Variants in TRAPPC6B observed in about 807,000 individuals in gnomAD.
The protein encoded by TRAPPC6B is trafficking protein particle complex subunit 6B.
A neutral mutation model predicts 24.7 loss-of-function variants in TRAPPC6B; 27 were observed. The ratio of observed to expected loss-of-function variants is 1.09; its 90% CI spans 0.81 to 1.51. The LOEUF (loss-of-function observed/expected upper bound fraction) is 1.51, where lower values mean the gene tolerates loss of function less well. Ranked by LOEUF, TRAPPC6B falls within the 40% of genes most tolerant of loss-of-function variation. The pLI is 0.00. For synonymous variants in TRAPPC6B, 80 were observed against 66.6 expected, an observed-to-expected ratio of 1.20 and a Z score of -0.98; for missense variants, 212 against 190.8, an observed-to-expected ratio of 1.11 and a Z score of -0.66.
At chr14:39,151,723 TA>T in intron 5 of TRAPPC6B, 22 bp downstream of exon 5, 2 of 1,512,902 alleles carry the variant, frequency 1.3e-6, no homozygotes, top group Non-Finnish European at 1.8e-6. Context: ...AAAACATTTG[TA>T]AGAAAGGCGA....
At chr14:39,151,893 C>CCT in intron 4 of TRAPPC6B, 54 bp from the exon 5 acceptor site, 3 of 1,239,858 alleles carry the variant, frequency 2.4e-6, no homozygotes, top group East Asian at 2.4e-5. Flanking sequence ...AATAGTAAAG[C>CCT]TATTGATAAA....
At position 39,170,194 on chromosome 14, in the gene TRAPPC6B, C is replaced by T; in HGVS notation, c.-99G>A. ...AGCGACTTCGCCGGCGCCGCGGCTC[C>T]GTCAGGCCGCCATTCTATCCCTGTG... is the stretch of plus-strand genomic sequence containing the variant. On this transcript the variant is annotated 5_prime_UTR_variant, in exon 1 of 6. Transcript: ENST00000330149. 1 of 1,135,412 alleles carries T rather than the reference C, an allele frequency of 8.8e-7. No individual in the cohort carries two copies. Among genetic ancestry groups the T allele is most frequent in the Non-Finnish European group, 1.3e-6 (1 of 768,582 alleles). 70.3% of individuals were successfully genotyped at this position (1,135,412 alleles called of 1,614,324 possible).
intron 1 of TRAPPC6B, among the ~76,000 whole-genome samples, chr14:39,163,648 A>C (rs2053080680): frequency 6.6e-6 from 1 of 150,864 alleles, no homozygotes; most frequent in South Asian, 2.1e-4. Context: ...ATAAAGCTCC[A>C]AAAAGGCAGG....
Position 39,154,859 on chromosome 14 carries a change from T to C in TRAPPC6B, c.268-565A>G, listed in dbSNP as rs114271949. 6.7e-3 allele frequency among the ~76,000 whole-genome samples: 1,020 copies of C among 152,334 alleles called. 13 individuals carry two copies. The highest frequency in any genetic ancestry group is 0.024 in the African/African-American group (977 of 41,572). ...AACACTGTCTGAGACATAGTCCCTA[T>C]CCTTAAAAACTCATAGTCTAGTACG... On this transcript the variant is annotated intron_variant, in intron 3 of 5. Transcript: ENST00000330149.
rs1452415685 is a variant in TRAPPC6B at position 39,151,786 on chromosome 14, T to C, written c.405A>G (p.Ile135Met). The C allele has an allele frequency of 1.9e-6, 3 of 1,609,470 alleles. No homozygotes were observed. The highest frequency in any genetic ancestry group is 1.1e-5 in the South Asian group (1 of 89,640). ...LIRGGLSNLGIKSIVTAEVSS... is the reference protein window; with the variant it reads ...LIRGGLSNLGMKSIVTAEVSS... ...ACACTTCAGCTGTTACAATACTTTT[T>C]ATTCCCAAGTTTGATAAGCCACCTC... The change falls in exon 5 of 6, where the codon ATA (isoleucine) becomes ATG (methionine). Residue 135 changes from isoleucine to methionine, a missense_variant. By Grantham distance (10) the Ile-to-Met change is conservative. Transcript: ENST00000330149.
chr14:39,163,060 C>G (rs1485635697), intron 1 of TRAPPC6B, among the ~76,000 whole-genome samples: 1 of 150,654 alleles, frequency 6.6e-6, no homozygotes, highest in Non-Finnish European at 1.5e-5. Flanking sequence ...CCTTTGGCAA[C>G]TCTCTATCCT....
intron 5 of TRAPPC6B, among the ~76,000 whole-genome samples, chr14:39,151,277 C>G (rs1024651636): frequency 6.6e-6 from 1 of 150,500 alleles, no homozygotes; most frequent in Non-Finnish European, 1.5e-5. Flanking sequence ...GTAGTCCCAG[C>G]TACTCGGGAG....
intron 2 of TRAPPC6B, 54 bp from the exon 3 acceptor site, chr14:39,158,456 G>A (rs376217159): frequency 3.0e-6 from 3 of 1,013,078 alleles, no homozygotes; most frequent in South Asian, 1.4e-5. Flanking sequence ...AAAAGCAAGA[G>A]GGACTAATTA....
intron 3 of TRAPPC6B, chr14:39,157,618 A>C (rs2139381993): frequency 2.7e-6 from 1 of 365,074 alleles, no homozygotes; most frequent in East Asian, 7.9e-5. Flanking sequence ...TATCAAGGGG[A>C]AGGCAAGACT....
chr14:39,151,144 C>G (rs565834726), intron 5 of TRAPPC6B, among the ~76,000 whole-genome samples: 2 of 152,096 alleles, frequency 1.3e-5, no homozygotes, highest in East Asian at 3.9e-4. Flanking sequence ...GTAATCCCAG[C>G]ACTTTGGGAG....
chr14:39,155,690 A>C (rs6571898), intron 3 of TRAPPC6B, among the ~76,000 whole-genome samples: 150,171 of 152,132 alleles, frequency 0.99, 74,147 homozygotes, highest in Middle Eastern at 1. Flanking sequence ...GCGTGCGCCA[A>C]TATGCCTGGC....
chr14:39,162,637 T>A (rs2053071107), intron 1 of TRAPPC6B, among the ~76,000 whole-genome samples: 1 of 152,232 alleles, frequency 6.6e-6, no homozygotes, highest in Non-Finnish European at 1.5e-5. Context: ...TGCTCTAAGT[T>A]CTATTGTTCC....
At chr14:39,153,350 G>A (rs565620049) in intron 4 of TRAPPC6B, among the ~76,000 whole-genome samples, 56 of 151,968 alleles carry the variant, frequency 3.7e-4, no homozygotes, top group African/African-American at 1.2e-3. Flanking sequence ...CAATCAGGCC[G>A]GATGCAGTGG....
chr14:39,156,127 T>C (rs1195422416), intron 3 of TRAPPC6B, among the ~76,000 whole-genome samples: 1 of 151,778 alleles, frequency 6.6e-6, no homozygotes, highest in Non-Finnish European at 1.5e-5. Flanking sequence ...GTCTAGAGAG[T>C]AAAAAAATCA....
At chr14:39,151,308 T>C (rs530057427) in intron 5 of TRAPPC6B, among the ~76,000 whole-genome samples, 158 of 142,882 alleles carry the variant, frequency 1.1e-3, no homozygotes, top group African/African-American at 4.1e-3. Context: ...GAGAATGGCG[T>C]GAACCCGGGA....
chr14:39,153,306 A>G (rs1428443684), intron 4 of TRAPPC6B, among the ~76,000 whole-genome samples: 1 of 151,980 alleles, frequency 6.6e-6, no homozygotes, highest in Non-Finnish European at 1.5e-5. Flanking sequence ...AAATGTAATT[A>G]GAGCCTGGAT....
intron 1 of TRAPPC6B, among the ~76,000 whole-genome samples, chr14:39,166,263 A>C (rs2053107347): frequency 8.2e-6 from 1 of 122,476 alleles, no homozygotes. Flanking sequence ...CTTAAAAAAA[A>C]AAAAAACAAA....
chr14:39,159,595 A>G, intron 1 of TRAPPC6B, 45 bp from the exon 2 acceptor site: 1 of 1,382,814 alleles, frequency 7.2e-7, no homozygotes, highest in Non-Finnish European at 1.0e-6. Context: ...GAATGCTAGG[A>G]TGTTAGTATT....
At chr14:39,169,548 A>C (rs2139393161) in intron 1 of TRAPPC6B, among the ~76,000 whole-genome samples, 1 of 152,284 alleles carries the variant, frequency 6.6e-6, no homozygotes, top group South Asian at 2.1e-4. Flanking sequence ...TTTCCTTTGC[A>C]AACTCAACCT....
Sources: allele counts gnomAD v4.1 joint callset (sites outside exome capture counted in the v4.1 genomes callset), GRCh38; gene constraint gnomAD v4.1.1; transcripts MANE v1.5; gene names NCBI Gene and HGNC (gene_info 2026-07-23, HGNC 2026-07-21).